The following TNPO3 variants were observed in gnomAD, a reference collection of about 807,000 sequenced individuals.
TNPO3 encodes the protein transportin-3.
TNPO3 carries 65 observed loss-of-function variants against 122.8 expected under a neutral mutation model. The observed-to-expected ratio is 0.53, with a 90% CI of 0.43 to 0.65. TNPO3 has a LOEUF of 0.65. Ranked by LOEUF, TNPO3 falls within the 30% of genes least tolerant of loss-of-function variation. The probability of loss-of-function intolerance (pLI) is 0.00; values close to 1 mark genes in which losing one functional copy is unlikely to be tolerated. For synonymous variants in TNPO3, 372 were observed against 411.2 expected, an observed-to-expected ratio of 0.90 and a Z score of 1.15; for missense variants, 850 against 1,136.7, an observed-to-expected ratio of 0.75 and a Z score of 3.63.
rs540440694 is a variant in TNPO3 at position 128,982,232 on chromosome 7, G to T, written c.1859+16C>A. On this transcript the variant is annotated intron_variant, in intron 14 of 22. Transcript: ENST00000265388. ...GCCTTTAACCCAAGTAAGGCATCCA[G>T]AGTCTCCTTTCTTACCTAAATATCA... 3.1e-6 allele frequency: 5 copies of T among 1,608,676 alleles called. No homozygotes were observed. In the South Asian group the frequency reaches 3.3e-5, roughly 11 times the overall value.
At chr7:129,004,115 G>A (rs972732121) in intron 5 of TNPO3, among the ~76,000 whole-genome samples, 7 of 152,278 alleles carry the variant, frequency 4.6e-5, no homozygotes, top group African/African-American at 1.7e-4. Context: ...AGCTTCTGAT[G>A]CAAAAATGAC....
chr7:128,986,775 G>A lies in TNPO3; in HGVS notation c.1644C>T (p.Leu548=), dbSNP rs377443861. 8.7e-6 allele frequency: 14 copies of A among 1,613,988 alleles called. No individual in the cohort carries two copies. The highest frequency in any genetic ancestry group is 1.3e-5 in the African/African-American group (1 of 75,030). ...FNGLLEIARS[L]DSFLLSPEAA... ...CTTCTGGAGACAACAGGAAGGAATC[G>A]AGGGAGCGGGCAATCTCCAGGAGTC... Residue 548 remains leucine (L), a synonymous_variant, in exon 12 of 23, where the codon CTC becomes CTT. Coordinates refer to ENST00000265388, the MANE Select transcript of TNPO3 (RefSeq NM_012470.4).
At chr7:128,975,054 G>A (rs1479060152) in intron 17 of TNPO3, 92 bp from the exon 18 acceptor site, 4 of 957,892 alleles carry the variant, frequency 4.2e-6, no homozygotes, top group Non-Finnish European at 4.8e-6. Flanking sequence ...AAGTACAAAA[G>A]GAACAAAGAA....
intron 1 of TNPO3, among the ~76,000 whole-genome samples, chr7:129,031,300 A>G (rs564901794): frequency 1.9e-4 from 28 of 151,288 alleles, no homozygotes; most frequent in South Asian, 6.2e-4. Flanking sequence ...GTTCTATGTC[A>G]AAAAAGAAAG....
intron 2 of TNPO3, among the ~76,000 whole-genome samples, chr7:129,017,394 T>A (rs1309926687): frequency 3.3e-5 from 5 of 152,250 alleles, no homozygotes; most frequent in Non-Finnish European, 5.9e-5. Context: ...AATTATACTA[T>A]GCCAAAGGTC....
intron 1 of TNPO3, among the ~76,000 whole-genome samples, chr7:129,036,744 G>A (rs1393978674): frequency 6.6e-6 from 1 of 151,986 alleles, no homozygotes; most frequent in African/African-American, 2.4e-5. Flanking sequence ...TATATGCAAA[G>A]ACTTAGAAGA....
chr7:129,001,547 G>A (rs1801950751), intron 5 of TNPO3, among the ~76,000 whole-genome samples: 1 of 152,188 alleles, frequency 6.6e-6, no homozygotes, highest in Non-Finnish European at 1.5e-5. Context: ...CTTGGAAACT[G>A]TGCACAGAGG....
chr7:129,027,006 C>G (rs1805266458), intron 1 of TNPO3, among the ~76,000 whole-genome samples: 1 of 151,616 alleles, frequency 6.6e-6, no homozygotes, highest in African/African-American at 2.4e-5. Flanking sequence ...CTCCTGGTCT[C>G]AAACTCCTGG....
chr7:129,043,211 G>T (rs1807602362), intron 1 of TNPO3, among the ~76,000 whole-genome samples: 1 of 151,608 alleles, frequency 6.6e-6, no homozygotes, highest in Non-Finnish European at 1.5e-5. Flanking sequence ...CACCAACCTG[G>T]GCAACATAGC....
At chr7:128,960,050 G>C (rs921196987) in intron 21 of TNPO3, among the ~76,000 whole-genome samples, 3 of 152,084 alleles carry the variant, frequency 2.0e-5, no homozygotes, top group Non-Finnish European at 4.4e-5. Context: ...ATGAATGTTA[G>C]AACTATAGTT....
Position 128,979,336 on chromosome 7 carries a change from G to C in TNPO3, c.1921-213C>G, listed in dbSNP as rs569493315. On this transcript the variant is annotated intron_variant, in intron 15 of 22. Coordinates refer to ENST00000265388, the MANE Select transcript of TNPO3 (RefSeq NM_012470.4). ...AGAAAACAGTGCCTCTTTAGAACTG[G>C]AAGAGCATGTCTAACTTTGCTAAAT... Among the ~76,000 whole-genome samples, 3 of 152,298 alleles carry C rather than the reference G, an allele frequency of 2.0e-5. No individual in the cohort carries two copies. The South Asian group carries it at 6.2e-4, about 32-fold the overall frequency.
rs1031259843 is a variant in TNPO3 at position 128,993,765 on chromosome 7, A to G, written c.1266+42T>C. On this transcript the variant is annotated intron_variant, in intron 9 of 22. Coordinates refer to ENST00000265388, the MANE Select transcript of TNPO3 (RefSeq NM_012470.4). ...GAAGACACAGAAGTGAATACAATTA[A>G]GGTGACTAGTAAAACTGGAAACAAT... 5 of 1,504,908 alleles carry G rather than the reference A, an allele frequency of 3.3e-6. No individual in the cohort carries two copies. In the East Asian group the frequency reaches 1.1e-4, roughly 34 times the overall value. The allele number at this position is 1,504,908 out of a possible 1,614,324, so 93.2% of individuals were successfully genotyped here.
intron 1 of TNPO3, among the ~76,000 whole-genome samples, chr7:129,043,536 A>G (rs1046159782): frequency 2.6e-5 from 4 of 152,248 alleles, no homozygotes; most frequent in Non-Finnish European, 5.9e-5. Context: ...AAATAATCCT[A>G]TATCATAATG....
chr7:128,980,989 T>C (rs1445863271), intron 14 of TNPO3, among the ~76,000 whole-genome samples: 4 of 152,294 alleles, frequency 2.6e-5, no homozygotes, highest in African/African-American at 9.6e-5. Flanking sequence ...AAACCACACA[T>C]AATTAACTAC....
intron 1 of TNPO3, among the ~76,000 whole-genome samples, chr7:129,053,488 C>CT (rs2150580624): frequency 7.5e-6 from 1 of 132,902 alleles, no homozygotes; most frequent in South Asian, 2.3e-4. Context: ...AAGCGAGACT[C>CT]TGTCTCAAAA....
chr7:128,970,344 T>A, intron 19 of TNPO3, 29 bp from the exon 20 acceptor site: 1 of 1,541,008 alleles, frequency 6.5e-7, no homozygotes. Context: ...GAACATCAGA[T>A]AAATTCTAGT....
chr7:129,016,912 G>A (rs994855870), intron 3 of TNPO3, 71 bp downstream of exon 3: 10 of 1,322,142 alleles, frequency 7.6e-6, no homozygotes, highest in Non-Finnish European at 1.1e-5. Flanking sequence ...TCTAGCTATT[G>A]CTAACAAATT....
intron 8 of TNPO3, among the ~76,000 whole-genome samples, chr7:128,996,377 A>G (rs1353220208): frequency 6.6e-6 from 1 of 152,190 alleles, no homozygotes; most frequent in Non-Finnish European, 1.5e-5. Flanking sequence ...TTCATGGGGC[A>G]AAATCATACA....
intron 15 of TNPO3, 118 bp from the exon 16 acceptor site, chr7:128,979,241 T>C: frequency 8.0e-7 from 1 of 1,249,980 alleles, no homozygotes; most frequent in Admixed American, 2.2e-5. Flanking sequence ...ACTTTCTGTA[T>C]AGGAACACAC....
Sources: gnomAD v4.1 joint callset for allele counts (sites outside exome capture counted in the v4.1 genomes callset) on GRCh38, gnomAD v4.1.1 for gene constraint, MANE v1.5 for transcripts, NCBI Gene and HGNC (gene_info 2026-07-23, HGNC 2026-07-21) for gene names.